HNF1B: variants seen among roughly 807,000 people sequenced by gnomAD.
The protein encoded by HNF1B is hepatocyte nuclear factor 1-beta.
A neutral mutation model predicts 61.7 loss-of-function variants in HNF1B; 8 were observed. That is an observed-to-expected ratio of 0.13 (90% CI 0.08 to 0.23). The LOEUF (loss-of-function observed/expected upper bound fraction) is 0.23. Among genes scored for constraint, HNF1B ranks in the 10% least tolerant of loss-of-function variants. HNF1B has a pLI of 1.00. For missense variants in HNF1B, 562 were observed against 714.5 expected (o/e 0.79, Z 2.43); for synonymous variants, 314 against 287.7 (o/e 1.09, Z -0.93).
chr17:37,702,012 T>C (rs947561533), intron 6 of HNF1B, among the ~76,000 whole-genome samples: 5 of 152,168 alleles, frequency 3.3e-5, no homozygotes, highest in African/African-American at 2.4e-5. Flanking sequence ...CTGGTACCCA[T>C]GCTCTATCTC....
intron 4 of HNF1B, among the ~76,000 whole-genome samples, chr17:37,722,344 G>A (rs1369819910): frequency 6.6e-6 from 1 of 152,186 alleles, no homozygotes; most frequent in Non-Finnish European, 1.5e-5. Flanking sequence ...CACTGGGTGT[G>A]TCTGATCATA....
intron 1 of HNF1B, among the ~76,000 whole-genome samples, chr17:37,742,199 A>C (rs1380240394): frequency 1.3e-5 from 2 of 152,230 alleles, no homozygotes; most frequent in African/African-American, 4.8e-5. Context: ...ACTCCAGCGC[A>C]GTCCGCAGCG....
At chr17:37,728,774 C>T (rs1178494271) in intron 4 of HNF1B, 3 of 152,732 alleles carry the variant, frequency 2.0e-5, no homozygotes, top group African/African-American at 4.8e-5. Flanking sequence ...GAGTGCATGA[C>T]TCGGGAGCCC....
intron 8 of HNF1B, among the ~76,000 whole-genome samples, chr17:37,698,145 C>T (rs2032448231): frequency 6.6e-6 from 1 of 152,032 alleles, no homozygotes; most frequent in Non-Finnish European, 1.5e-5. Flanking sequence ...GAAAAAAAGA[C>T]CATCAACAAG....
intron 4 of HNF1B, among the ~76,000 whole-genome samples, chr17:37,713,530 C>T (rs1015768937): frequency 3.3e-5 from 5 of 152,160 alleles, no homozygotes; most frequent in Admixed American, 1.3e-4. Flanking sequence ...AGAAATATAA[C>T]GGTGGAGCTG....
At chr17:37,712,633 G>A (rs142919904) in intron 4 of HNF1B, among the ~76,000 whole-genome samples, 72 of 152,282 alleles carry the variant, frequency 4.7e-4, no homozygotes, top group African/African-American at 1.6e-3. Context: ...GAGGGGCAGT[G>A]GGAAGACTAT....
chr17:37,705,179 A>ACAATTATTG, intron 5 of HNF1B, 130 bp from the exon 6 acceptor site: 1 of 1,020,370 alleles, frequency 9.8e-7, no homozygotes, highest in Non-Finnish European at 1.5e-6. Context: ...TCACTCAATA[A>ACAATTATTG]CAATTATTGG....
At chr17:37,716,861 T>TCC (rs2033138391) in intron 4 of HNF1B, among the ~76,000 whole-genome samples, 1 of 150,900 alleles carries the variant, frequency 6.6e-6, no homozygotes, top group Non-Finnish European at 1.5e-5. Flanking sequence ...TCTCTCTCTC[T>TCC]CTCTCTCTCT....
Position 37,737,707 on chromosome 17 carries a change from C to T in HNF1B, c.544+1733G>A, listed in dbSNP as rs576441538. The stretch of plus-strand genomic sequence containing the variant: ...AAAATTAGCCAGGTGTGGTGGCGGG[C>T]ACCTGCAGTCCCAGCTACTTGGGAG... On this transcript the variant is annotated intron_variant, in intron 2 of 8. Coordinates refer to ENST00000617811, the MANE Select transcript of HNF1B (RefSeq NM_000458.4). 2.7e-5 allele frequency among the ~76,000 whole-genome samples: 4 copies of T among 150,644 alleles called. No homozygotes were observed. In the South Asian group the frequency reaches 8.4e-4, roughly 32 times the overall value.
rs1007040243 is a variant in HNF1B at position 37,687,132 on chromosome 17, A to G, written c.*240T>C. 1.4e-5 allele frequency: 9 copies of G among 658,256 alleles called. No homozygotes were observed. The highest frequency in any genetic ancestry group is 1.9e-5 in the Non-Finnish European group (7 of 365,618). The allele number at this position is 658,256 out of a possible 1,614,324, so 40.8% of individuals were successfully genotyped here. A position where few individuals can be genotyped will look rare whatever the true frequency, so the allele number is the denominator to read the frequency against. ...GTCTCCCACCTCCAGGACAGACAGG[A>G]GTCCTTGACATCGTGGGAGAGGCAT... On this transcript the variant is annotated 3_prime_UTR_variant, in exon 9 of 9. Coordinates refer to ENST00000617811, the MANE Select transcript of HNF1B (RefSeq NM_000458.4).
At chr17:37,708,796 C>CTTTCA (rs765914748) in intron 5 of HNF1B, among the ~76,000 whole-genome samples, 1 of 152,164 alleles carries the variant, frequency 6.6e-6, no homozygotes, top group East Asian at 1.9e-4. Context: ...CAGGAATGCC[C>CTTTCA]TTTCATTTTT....
intron 8 of HNF1B, 121 bp from the exon 9 acceptor site, chr17:37,687,513 G>A (rs1598792518): frequency 1.3e-6 from 1 of 797,202 alleles, no homozygotes; most frequent in East Asian, 2.5e-5. Flanking sequence ...GCAGGTGGAG[G>A]GCTGGGGGCC....
At position 37,733,743 on chromosome 17, in the gene HNF1B, T is replaced by C; in HGVS notation, c.623A>G (p.Glu208Gly). 6.2e-7 allele frequency: 1 copy of C among 1,614,162 alleles called. No homozygotes were observed. The highest frequency in any genetic ancestry group is 8.5e-7 in the Non-Finnish European group (1 of 1,180,026). Residue 208 changes from glutamate (E) to glycine (G), a missense_variant, in exon 3 of 9, where the codon GAG (glutamate) becomes GGG (glycine). Around this residue, in one of 6 missense-constraint regions of HNF1B, gnomAD observed 69 missense variants for 81.2 expected, o/e 0.85. Transcript: ENST00000617811. ...AGGCCCATGGCTCTGTTGACTGAAC[T>C]CTGGAAAGAGAAACAGCAGCTGATC... is the stretch of plus-strand genomic sequence containing the variant. ...SQDQLLFLFP[E>G]FSQQSHGPGQ...
chr17:37,740,917 AAG>A (rs993270637), intron 1 of HNF1B, among the ~76,000 whole-genome samples: 15 of 152,244 alleles, frequency 9.9e-5, no homozygotes, highest in African/African-American at 3.6e-4. Flanking sequence ...ATGCTTTGAA[AAG>A]AGAGATATAA....
At chr17:37,738,651 A>G (rs1033771472) in intron 2 of HNF1B, among the ~76,000 whole-genome samples, 1 of 152,254 alleles carries the variant, frequency 6.6e-6, no homozygotes. Flanking sequence ...CTTGTTATTC[A>G]TAGGCAGTTC....
chr17:37,710,526 G>A lies in HNF1B; in HGVS notation c.1183C>T (p.Leu395Phe). The change falls in exon 5 of 9, where the codon CTC becomes TTC. Residue 395 changes from leucine (L) to phenylalanine (F), a missense_variant. Physicochemically the swap from Leu to Phe is conservative, Grantham distance 22. Around this residue, in one of 6 missense-constraint regions of HNF1B, gnomAD observed 211 missense variants for 200.7 expected, o/e 1.05. Transcript: ENST00000617811. The part of the protein sequence containing the change: ...SPASLDPGHN[L>F]LSPDGKMISV... ...ACCATTTTACCATCAGGTGAGAGGA[G>A]ATTGTGGCCTGGGTCCAGGCTGGCT... 1 of 1,614,234 alleles carries A rather than the reference G, an allele frequency of 6.2e-7. No individual in the cohort carries two copies. The highest frequency in any genetic ancestry group is 8.5e-7 in the Non-Finnish European group (1 of 1,180,048).
At chr17:37,735,836 G>A (rs1051399335) in intron 2 of HNF1B, among the ~76,000 whole-genome samples, 1 of 152,246 alleles carries the variant, frequency 6.6e-6, no homozygotes. Context: ...ATAGCTCACT[G>A]CAGCCTTGAC....
In HNF1B at chr17:37,745,046, G is replaced by A. The variant is rs749984586; in HGVS notation, c.-162C>T. The stretch of plus-strand genomic sequence containing the variant: ...GGTCCCGGAGGCTCCTCCGAAAGGA[G>A]TCAGAAAACTTCTAACTTGCCATGA... On this transcript the variant is annotated 5_prime_UTR_variant, in exon 1 of 9. Coordinates refer to ENST00000617811, the MANE Select transcript of HNF1B (RefSeq NM_000458.4). 3.1e-6 allele frequency: 2 copies of A among 636,332 alleles called. No individual in the cohort carries two copies. The highest frequency in any genetic ancestry group is 5.5e-6 in the Non-Finnish European group (2 of 362,542). The allele number at this position is 636,332 out of a possible 1,614,324, so 39.4% of individuals were successfully genotyped here.
intron 5 of HNF1B, among the ~76,000 whole-genome samples, chr17:37,709,346 C>T (rs1231001019): frequency 6.6e-6 from 1 of 152,134 alleles, no homozygotes. Flanking sequence ...GCCTCCCAGG[C>T]TCAAGTGAGC....
Sources: gnomAD v4.1 joint callset for allele counts (sites outside exome capture counted in the v4.1 genomes callset) on GRCh38, gnomAD v4.1.1 for gene constraint, gnomAD v4.1.1 regional missense constraint, MANE v1.5 for transcripts, NCBI Gene and HGNC (gene_info 2026-07-23, HGNC 2026-07-21) for gene names.